The following LMBR1 variants were observed in gnomAD, a reference collection of about 807,000 sequenced individuals.
The protein encoded by LMBR1 is limb region 1 protein homolog.
Under a neutral mutation model 73.9 loss-of-function variants are expected in LMBR1, and 52 were observed. That is an observed-to-expected ratio of 0.70 (90% confidence interval 0.56 to 0.89). LMBR1 has a LOEUF of 0.89. Among genes scored for constraint, LMBR1 ranks in the 40% least tolerant of loss-of-function variants. The pLI, the probability that LMBR1 is intolerant of heterozygous loss-of-function variation, is 0.00. For missense variants in LMBR1, 539 were observed against 579.8 expected (o/e 0.93, Z 0.72); for synonymous variants, 215 against 209.4 (o/e 1.03, Z -0.23).
intron 5 of LMBR1, among the ~76,000 whole-genome samples, chr7:156,787,472 A>T: frequency 7.8e-6 from 1 of 128,502 alleles, no homozygotes; most frequent in East Asian, 2.1e-4. Flanking sequence ...CCAACTATGT[A>T]AAAAAAACTC....
rs113842789 is a variant in LMBR1, at chr7:156,797,397, CAA to C, written c.320-907_320-906del. On this transcript the variant is annotated intron_variant, in intron 4 of 16. Coordinates refer to ENST00000353442, the MANE Select transcript of LMBR1 (RefSeq NM_022458.4). ...TACAAAAGTTTATAAAATCAAGAGT[CAA>C]AGATAAAATTTACGTCAAGGATAAA... Among the ~76,000 whole-genome samples, 142 of 152,210 alleles carry C rather than the reference CAA, an allele frequency of 9.3e-4. 2 individuals carry two copies. Among genetic ancestry groups the C allele is most frequent in the Middle Eastern group, 3.4e-3 (1 of 294 alleles).
intron 5 of LMBR1, among the ~76,000 whole-genome samples, chr7:156,792,853 A>G (rs371643888): frequency 2.0e-5 from 3 of 151,980 alleles, no homozygotes; most frequent in Non-Finnish European, 4.4e-5. Context: ...GTGGGGCCAT[A>G]TGCCATTTAG....
intron 15 of LMBR1, among the ~76,000 whole-genome samples, chr7:156,706,462 C>A (rs530938338): frequency 1.3e-5 from 2 of 152,286 alleles, no homozygotes; most frequent in Admixed American, 1.3e-4. Context: ...CTCATCAGCA[C>A]ATAAAACGTT....
chr7:156,673,996 A>G (rs147284589), downstream of LMBR1, among the ~76,000 whole-genome samples: 1 of 152,096 alleles, frequency 6.6e-6, no homozygotes, highest in Non-Finnish European at 1.5e-5. Context: ...TCCAAAATGC[A>G]TTTTCCCCAT....
intron 1 of LMBR1, among the ~76,000 whole-genome samples, chr7:156,870,517 G>A (rs1007955757): frequency 1.3e-5 from 2 of 152,222 alleles, no homozygotes; most frequent in African/African-American, 4.8e-5. Flanking sequence ...TGTAATCCCA[G>A]CACTTTGGGA....
Position 156,877,371 on chromosome 7 carries a change from A to G in LMBR1, c.66+15557T>C, listed in dbSNP as rs183585329. 5.8e-3 allele frequency among the ~76,000 whole-genome samples: 879 copies of G among 152,332 alleles called. 3 individuals are homozygous for G. The highest frequency in any genetic ancestry group is 8.5e-3 in the Non-Finnish European group (578 of 68,024). On this transcript the variant is annotated intron_variant, in intron 1 of 16. Transcript: ENST00000353442. ...CTATCGACACTATTCCACAAGATAA[A>G]GAGAAAATCCTCCCTAAATCATTCT...
At chr7:156,833,575 G>GTA in intron 3 of LMBR1, 178 bp downstream of exon 3, 1 of 296,462 alleles carries the variant, frequency 3.4e-6, no homozygotes, top group Non-Finnish European at 5.6e-6. Context: ...AATTCCAATA[G>GTA]GAGATTGGAT....
chr7:156,752,462 C>T (rs1003694955), intron 9 of LMBR1, among the ~76,000 whole-genome samples: 1 of 152,108 alleles, frequency 6.6e-6, no homozygotes. Context: ...ATTGCTAGAT[C>T]GTGTCCTTGA....
At position 156,680,062 on chromosome 7, in the gene LMBR1, C is replaced by T. The variant is rs958561935; in HGVS notation, c.*4016G>A. ...ACTTCTCCTGATATTACATTTTCTA[C>T]AGTGCAACAAGTAATTTGCGTACAC... On this transcript the variant is annotated 3_prime_UTR_variant, in exon 17 of 17. Transcript: ENST00000353442. 6.6e-6 allele frequency: 1 copy of T among 151,324 alleles called. No individual in the cohort carries two copies. The highest frequency in any genetic ancestry group is 1.5e-5 in the Non-Finnish European group (1 of 67,960). The allele number at this position is 151,324 out of a possible 1,614,324, so 9.4% of individuals were successfully genotyped here. A position where few individuals can be genotyped will look rare whatever the true frequency, so the allele number is the denominator to read the frequency against.
At chr7:156,760,692 A>G (rs1822814814) in intron 8 of LMBR1, among the ~76,000 whole-genome samples, 1 of 152,260 alleles carries the variant, frequency 6.6e-6, no homozygotes. Flanking sequence ...TACAACATTT[A>G]CATACTTTTT....
At chr7:156,832,431 T>C (rs115582049) in intron 3 of LMBR1, among the ~76,000 whole-genome samples, 274 of 152,270 alleles carry the variant, frequency 1.8e-3, no homozygotes, top group African/African-American at 6.1e-3. Context: ...TGCCCCAAAA[T>C]AAAATGCCAA....
rs767071817 is a variant in LMBR1 at position 156,684,052 on chromosome 7, G to T, written c.*26C>A. On this transcript the variant is annotated 3_prime_UTR_variant, in exon 17 of 17. Coordinates refer to ENST00000353442, the MANE Select transcript of LMBR1 (RefSeq NM_022458.4). The stretch of plus-strand genomic sequence containing the variant: ...GAATCTGGAGTTCTCGGGTCTCTTG[G>T]TGGCAGAAGACGCCGTCTGTGCGTC... 1.9e-6 allele frequency: 3 copies of T among 1,582,124 alleles called. No individual in the cohort carries two copies. In the East Asian group the frequency reaches 6.7e-5, roughly 35 times the overall value.
intron 1 of LMBR1, among the ~76,000 whole-genome samples, chr7:156,841,626 G>A (rs1424712187): frequency 3.9e-5 from 6 of 152,118 alleles, no homozygotes; most frequent in Admixed American, 2.6e-4. Flanking sequence ...TGGAATCATC[G>A]ACAGTGTCAA....
In LMBR1 at chr7:156,683,538, G is replaced by A. The variant is rs1805407093; in HGVS notation, c.*540C>T. The A allele has an allele frequency of 6.6e-6, 1 of 152,392 alleles. No individual in the cohort carries two copies. The highest frequency in any genetic ancestry group is 2.4e-5 in the African/African-American group (1 of 41,424). 9.4% of individuals were successfully genotyped at this position (152,392 alleles called of 1,614,324 possible). A position where few individuals can be genotyped will look rare whatever the true frequency, so the allele number is the denominator to read the frequency against. On this transcript the variant is annotated 3_prime_UTR_variant, in exon 17 of 17. Transcript: ENST00000353442. ...CAGAAACTACGCTTTTTGCTTTTAAGGAAATAAGAAACATAATTGCAACCA... is the reference window on the plus strand; with the variant it reads ...CAGAAACTACGCTTTTTGCTTTTAAAGAAATAAGAAACATAATTGCAACCA...
intron 1 of LMBR1, among the ~76,000 whole-genome samples, chr7:156,850,448 C>T (rs1325085315): frequency 2.0e-5 from 3 of 152,208 alleles, no homozygotes; most frequent in Non-Finnish European, 2.9e-5. Flanking sequence ...ATATTCCTCC[C>T]ACCCTGCTTA....
At chr7:156,715,849 C>T (rs1813096591) in intron 15 of LMBR1, among the ~76,000 whole-genome samples, 1 of 152,230 alleles carries the variant, frequency 6.6e-6, no homozygotes, top group African/African-American at 2.4e-5. Context: ...TGATTGTTTC[C>T]ACCTCTTGGC....
rs188274885 is a variant in LMBR1 at position 156,695,039 on chromosome 7, G to C, written c.1226-6848C>G. ...CCCAGTCAAAATCCTAGCAGATGTG[G>C]TGGCTCATGCCAGTAATCCCAGCCC... is the stretch of plus-strand genomic sequence containing the variant. On this transcript the variant is annotated intron_variant, in intron 15 of 16. Transcript: ENST00000353442. Among the ~76,000 whole-genome samples the C allele has an allele frequency of 3.3e-5, 5 of 152,338 alleles. No homozygotes were observed. In the East Asian group the frequency reaches 9.6e-4, roughly 29 times the overall value.
intron 9 of LMBR1, chr7:156,736,636 A>G (rs1238154377): frequency 2.2e-6 from 1 of 456,552 alleles, no homozygotes; most frequent in East Asian, 6.9e-5. Flanking sequence ...TGAGGACACA[A>G]GTGTCTGAGC....
intron 4 of LMBR1, among the ~76,000 whole-genome samples, chr7:156,817,492 CAGAGAG>C (rs72370655): frequency 0.029 from 4,253 of 146,916 alleles, 187 homozygotes; most frequent in African/African-American, 0.096. Flanking sequence ...TAAAAAGAGA[CAGAGAG>C]AGAGAGAGAG....
Sources: allele counts gnomAD v4.1 joint callset (sites outside exome capture counted in the v4.1 genomes callset), GRCh38; gene constraint gnomAD v4.1.1; transcripts MANE v1.5; gene names NCBI Gene and HGNC (gene_info 2026-07-23, HGNC 2026-07-21).